CSMD1: variants seen among roughly 807,000 people sequenced by gnomAD.
The protein encoded by CSMD1 is CUB and sushi domain-containing protein 1.
In CSMD1, 213 loss-of-function variants were observed where a neutral mutation model predicts 417.5. That is an observed-to-expected ratio of 0.51 (90% CI 0.46 to 0.57). The LOEUF is 0.57. Ranked by LOEUF, CSMD1 falls within the 20% of genes least tolerant of loss-of-function variation. The pLI is 0.00. For missense variants in CSMD1, 6,923 were observed against 4,529.7 expected, an observed-to-expected ratio of 1.53 and a Z score of -15.17; for synonymous variants, 2,862 against 1,736.8, an observed-to-expected ratio of 1.65 and a Z score of -16.11.
intron 8 of CSMD1, among the ~76,000 whole-genome samples, chr8:3,596,621 G>C (rs143487078): frequency 2.0e-5 from 3 of 152,216 alleles, no homozygotes; most frequent in Non-Finnish European, 2.9e-5. Flanking sequence ...ATCTACACTT[G>C]GCAAAACTTT....
chr8:4,443,350 A>G (rs571531793), intron 2 of CSMD1, among the ~76,000 whole-genome samples: 41 of 152,220 alleles, frequency 2.7e-4, no homozygotes, highest in Non-Finnish European at 4.3e-4. Context: ...ATGCATACAC[A>G]CTGGTCTTTG....
At chr8:4,589,812 C>A (rs1182549118) in intron 2 of CSMD1, among the ~76,000 whole-genome samples, 2 of 152,120 alleles carry the variant, frequency 1.3e-5, no homozygotes, top group Non-Finnish European at 2.9e-5. Flanking sequence ...CAAAGAGTAT[C>A]AAGAATACTT....
intron 1 of CSMD1, among the ~76,000 whole-genome samples, chr8:4,794,158 A>G (rs1797848369): frequency 2.0e-5 from 3 of 152,170 alleles, no homozygotes; most frequent in Admixed American, 1.3e-4. Flanking sequence ...GTCAAACTCA[A>G]TATTGTTCTC....
intron 1 of CSMD1, among the ~76,000 whole-genome samples, chr8:4,992,078 TC>T (rs1484098656): frequency 6.6e-6 from 1 of 152,080 alleles, no homozygotes; most frequent in African/African-American, 2.4e-5. Context: ...ACAGCCAGGT[TC>T]TGGGACCTGC....
chr8:4,501,379 T>G (rs1443415407), intron 2 of CSMD1, among the ~76,000 whole-genome samples: 1 of 152,138 alleles, frequency 6.6e-6, no homozygotes, highest in East Asian at 1.9e-4. Flanking sequence ...TTAGGCATCA[T>G]TTAAACAACT....
intron 5 of CSMD1, among the ~76,000 whole-genome samples, chr8:3,891,344 C>G (rs1235286254): frequency 6.6e-6 from 1 of 152,152 alleles, no homozygotes; most frequent in East Asian, 1.9e-4. Context: ...GCCACCGCGC[C>G]TATCCTGAGC....
intron 20 of CSMD1, 29 bp from the exon 21 acceptor site, chr8:3,359,369 A>G (rs750868505): frequency 1.3e-6 from 2 of 1,577,938 alleles, no homozygotes; most frequent in African/African-American, 1.3e-5. Flanking sequence ...GAGTAAATGC[A>G]TGAGGATTTG....
chr8:3,251,323 C>G (rs1466318817), intron 26 of CSMD1, among the ~76,000 whole-genome samples: 4 of 152,140 alleles, frequency 2.6e-5, no homozygotes, highest in African/African-American at 7.2e-5. Context: ...AATAGGGAAT[C>G]CTTTCCCCAT....
In CSMD1 at chr8:4,725,181, G is replaced by A. The variant is rs200862515; in HGVS notation, c.86-87623C>T. ...AAAGAATACATTAAAAACAATAAAAGTCAGAGAATAAAGATGAAAAGGTTA... is the reference window on the plus strand; with the variant it reads ...AAAGAATACATTAAAAACAATAAAAATCAGAGAATAAAGATGAAAAGGTTA... On this transcript the variant is annotated intron_variant, in intron 1 of 69. Coordinates refer to ENST00000635120, the MANE Select transcript of CSMD1 (RefSeq NM_033225.6). Among the ~76,000 whole-genome samples, 11 of 152,190 alleles carry A rather than the reference G, an allele frequency of 7.2e-5. No individual in the cohort carries two copies. In the East Asian group the frequency reaches 1.4e-3, roughly 19 times the overall value.
chr8:3,247,868 G>A (rs1234397457), intron 26 of CSMD1, among the ~76,000 whole-genome samples: 8 of 152,216 alleles, frequency 5.3e-5, no homozygotes, highest in Non-Finnish European at 1.2e-4. Flanking sequence ...CAAGGGGGGA[G>A]CAGGATCTCC....
chr8:4,141,627 C>T (rs972586175), intron 3 of CSMD1, among the ~76,000 whole-genome samples: 1 of 147,400 alleles, frequency 6.8e-6, no homozygotes, highest in Non-Finnish European at 1.5e-5. Context: ...ACTATATTTT[C>T]ACCCTAATTC....
intron 3 of CSMD1, among the ~76,000 whole-genome samples, chr8:4,080,257 C>G (rs1800058420): frequency 6.6e-6 from 1 of 152,148 alleles, no homozygotes; most frequent in African/African-American, 2.4e-5. Flanking sequence ...TGCTTTTAAA[C>G]AATGACTCCT....
intron 2 of CSMD1, among the ~76,000 whole-genome samples, chr8:4,533,165 A>G (rs1796922497): frequency 6.6e-6 from 1 of 152,192 alleles, no homozygotes; most frequent in African/African-American, 2.4e-5. Flanking sequence ...TAATGTTTTC[A>G]GGGTGTACCC....
chr8:3,114,413 T>A (rs1263253338), intron 42 of CSMD1, among the ~76,000 whole-genome samples: 2 of 150,302 alleles, frequency 1.3e-5, no homozygotes, highest in African/African-American at 4.9e-5. Context: ...ACACTTGGCA[T>A]AAATATGAAT....
chr8:4,779,302 C>T lies in CSMD1; in HGVS notation c.86-141744G>A, dbSNP rs190314884. 3.5e-3 allele frequency among the ~76,000 whole-genome samples: 540 copies of T among 152,170 alleles called. 1 individual carries two copies. Among genetic ancestry groups the T allele is most frequent in the African/African-American group, 0.013 (519 of 41,512 alleles). ...TATAGGGGTTTTACCAAAATTTTCA[C>T]AATATATTTATTTTTAAAAAATCAA... On this transcript the variant is annotated intron_variant, in intron 1 of 69. Transcript: ENST00000635120.
At chr8:4,711,896 G>C (rs1808324273) in intron 1 of CSMD1, among the ~76,000 whole-genome samples, 1 of 152,138 alleles carries the variant, frequency 6.6e-6, no homozygotes, top group African/African-American at 2.4e-5. Context: ...AATACCAGCT[G>C]GATTAAGTGC....
At chr8:4,214,189 A>T (rs530193239) in intron 3 of CSMD1, among the ~76,000 whole-genome samples, 1 of 152,294 alleles carries the variant, frequency 6.6e-6, no homozygotes, top group South Asian at 2.1e-4. Flanking sequence ...TTTACATAGG[A>T]TACGGCTCAA....
chr8:3,587,108 G>A (rs978913667), intron 8 of CSMD1, among the ~76,000 whole-genome samples: 9 of 152,202 alleles, frequency 5.9e-5, no homozygotes, highest in African/African-American at 2.2e-4. Context: ...CTGTGTTTTA[G>A]AAGAAAGCAA....
intron 2 of CSMD1, among the ~76,000 whole-genome samples, chr8:4,425,960 TAG>T (rs1476723336): frequency 2.6e-5 from 4 of 152,232 alleles, no homozygotes; most frequent in African/African-American, 9.6e-5. Context: ...ATCTTCATTT[TAG>T]AGAGGTAGAC....
Sources: allele counts gnomAD v4.1 joint callset (sites outside exome capture counted in the v4.1 genomes callset), GRCh38; gene constraint gnomAD v4.1.1; transcripts MANE v1.5; gene names NCBI Gene and HGNC (gene_info 2026-07-23, HGNC 2026-07-21).